The following PPP1R26 variants were observed in gnomAD, a reference collection of about 807,000 sequenced individuals.
The protein encoded by PPP1R26 is protein phosphatase 1 regulatory subunit 26, also known as 1A6/DRIM (down-regulated in metastasis) interacting protein.
PPP1R26 carries 22 observed loss-of-function variants against 67.6 expected under a neutral mutation model. That is an observed-to-expected ratio of 0.33 (90% CI 0.23 to 0.46). The LOEUF (loss-of-function observed/expected upper bound fraction) is 0.46. Ranked by LOEUF, PPP1R26 falls within the 20% of genes least tolerant of loss-of-function variation. PPP1R26 has a pLI of 1.00. For synonymous variants in PPP1R26, 729 were observed against 717.2 expected (o/e 1.02, Z -0.26); for missense variants, 1,602 against 1,651.4 (o/e 0.97, Z 0.52).
intron 1 of PPP1R26, among the ~76,000 whole-genome samples, chr9:135,481,092 G>A (rs1390739130): frequency 2.0e-5 from 3 of 152,192 alleles, no homozygotes; most frequent in East Asian, 1.9e-4. Context: ...CCTAAAATCT[G>A]ACACCGTGTG....
intron 2 of PPP1R26, among the ~76,000 whole-genome samples, chr9:135,483,139 G>A (rs1370992556): frequency 1.3e-5 from 2 of 151,910 alleles, no homozygotes; most frequent in African/African-American, 2.4e-5. Context: ...ACAGGCATGC[G>A]CCACCATGCC....
Position 135,486,653 on chromosome 9 carries a change from A to C in PPP1R26, c.2143A>C (p.Arg715=). 6.2e-7 allele frequency: 1 copy of C among 1,610,380 alleles called. No individual in the cohort carries two copies. The highest frequency in any genetic ancestry group is 1.3e-5 in the African/African-American group (1 of 74,884). The change falls in exon 4 of 4, where the codon AGG becomes CGG. Residue 715 remains arginine (R), a synonymous_variant. Coordinates refer to ENST00000356818, the MANE Select transcript of PPP1R26 (RefSeq NM_014811.5). The surrounding 1 kb of genome is among the most constrained non-coding windows in gnomAD (Gnocchi z 6.2). ...GCTCAAGAAGAGGTGCAGGGAGCCC[A>C]GGGCTGCGTGCAGGAAGAAGGTCAG... ...RKLKKRCREP[R]AACRKKVRFS... is the part of the protein sequence containing the mutation.
Position 135,485,000 on chromosome 9 carries a change from A to C in PPP1R26, c.490A>C (p.Arg164=). The C allele has an allele frequency of 6.3e-7, 1 of 1,585,096 alleles. No individual in the cohort carries two copies. Among genetic ancestry groups the C allele is most frequent in the South Asian group, 1.2e-5 (1 of 86,122 alleles). The change falls in exon 4 of 4, where the codon AGG becomes CGG. Residue 164 remains arginine (R), a synonymous_variant. Transcript: ENST00000356818. ...GAQPGAAQPS[R]AAGGGSRCKP... is the part of the protein sequence containing the mutation. ...CCAGCCAGGTGCAGCCCAGCCTTCC[A>C]GGGCCGCAGGCGGAGGCAGTAGATG...
At position 135,487,584 on chromosome 9, in the gene PPP1R26, C is replaced by A; in HGVS notation, c.3074C>A (p.Pro1025Gln). ...RDAGAQADRT[P>Q]PWSDFAHQSR... is the part of the protein sequence containing the mutation. ...GCTGGAGCCCAGGCCGACCGCACACCGCCCTGGAGCGACTTCGCCCACCAG... is the reference window on the plus strand; with the variant it reads ...GCTGGAGCCCAGGCCGACCGCACACAGCCCTGGAGCGACTTCGCCCACCAG... The change falls in exon 4 of 4, where the codon CCG (proline) becomes CAG (glutamine). Residue 1025 changes from proline (P) to glutamine (Q), a missense_variant. Physicochemically the swap from Pro to Gln is moderately conservative, Grantham distance 76. Around this residue, in one of 5 missense-constraint regions of PPP1R26, gnomAD observed 740 missense variants for 696.3 expected, o/e 1.06. Coordinates refer to ENST00000356818, the MANE Select transcript of PPP1R26 (RefSeq NM_014811.5). 2 of 1,507,210 alleles carry A rather than the reference C, an allele frequency of 1.3e-6. No individual in the cohort carries two copies. Among genetic ancestry groups the A allele is most frequent in the Non-Finnish European group, 8.9e-7 (1 of 1,127,768 alleles). 93.4% of individuals were successfully genotyped at this position (1,507,210 alleles called of 1,614,324 possible).
At chr9:135,483,864 TAGAG>T (rs1171507756) in intron 2 of PPP1R26, 82 bp from the exon 3 acceptor site, 3 of 396,918 alleles carry the variant, frequency 7.6e-6, no homozygotes, top group South Asian at 1.4e-4. Context: ...ACATTTAACA[TAGAG>T]AGGGTTTAGT....
At position 135,487,916 on chromosome 9, in the gene PPP1R26, C is replaced by G. The variant is rs778889304; in HGVS notation, c.3406C>G (p.Leu1136Val). ...PSPVFGSPHL[L>V]AKKDGGPWPT... ...CCCTGTCTTTGGAAGCCCACACTTG[C>G]TGGCAAAGAAGGACGGCGGCCCCTG... Residue 1136 changes from leucine to valine, a missense_variant, in exon 4 of 4, where the codon CTG becomes GTG. Transcript: ENST00000356818. 4 of 1,575,850 alleles carry G rather than the reference C, an allele frequency of 2.5e-6. No individual in the cohort carries two copies. The highest frequency in any genetic ancestry group is 1.2e-5 in the South Asian group (1 of 85,766).
intron 1 of PPP1R26, among the ~76,000 whole-genome samples, chr9:135,481,058 G>A (rs375752447): frequency 2.9e-4 from 44 of 152,230 alleles, no homozygotes; most frequent in East Asian, 2.5e-3. Flanking sequence ...GACCGAGAAG[G>A]TACCCGAGTG....
Position 135,485,499 on chromosome 9 carries a change from C to T in PPP1R26, c.989C>T (p.Ala330Val). The T allele has an allele frequency of 1.2e-6, 2 of 1,613,102 alleles. No homozygotes were observed. Among genetic ancestry groups the T allele is most frequent in the Non-Finnish European group, 1.7e-6 (2 of 1,179,998 alleles). The change falls in exon 4 of 4, where the codon GCA becomes GTA. Residue 330 changes from alanine (A) to valine (V), a missense_variant. Physicochemically the swap from Ala to Val is moderately conservative, Grantham distance 64. Transcript: ENST00000356818. The surrounding 1 kb of genome is among the most constrained non-coding windows in gnomAD (Gnocchi z 7.2). ...GCAACCCCCTGCCGCCCTTCAGAAG[C>T]AGCACAGAATAAAGGTGGGATCAAA... ...KPATPCRPSE[A>V]AQNKGGIKRS...
rs61731944 is a variant in PPP1R26 at position 135,484,651 on chromosome 9, G to T, written c.141G>T (p.Val47=). 29 of 1,611,162 alleles carry T rather than the reference G, an allele frequency of 1.8e-5. No homozygotes were observed. Among genetic ancestry groups the T allele is most frequent in the African/African-American group, 2.7e-5 (2 of 74,920 alleles). ...AGAGCGCGTCGGTGAGCGCCCGGGT[G>T]CAGATGCTTATCAGCACTCTGCAGC... ...GVESASVSAR[V]QMLISTLQRD... is the part of the protein sequence containing the mutation. Residue 47 remains valine (V), a synonymous_variant, in exon 4 of 4, where the codon GTG becomes GTT. Coordinates refer to ENST00000356818, the MANE Select transcript of PPP1R26 (RefSeq NM_014811.5).
rs577614773 is a variant in PPP1R26, at chr9:135,485,105, G to A, written c.595G>A (p.Gly199Ser). 33 of 1,612,648 alleles carry A rather than the reference G, an allele frequency of 2.0e-5. No individual in the cohort carries two copies. The highest frequency in any genetic ancestry group is 1.6e-4 in the African/African-American group (12 of 75,044). ...TGTACCTGGATCAGGTGGTGGCCCC[G>A]GCAGCCAGGTGGGATCCAGCAAGGA... is the stretch of plus-strand genomic sequence containing the variant. ...KLVPGSGGGP[G>S]SQVGSSKDQG... The change falls in exon 4 of 4, where the codon GGC (glycine) becomes AGC (serine). Residue 199 changes from glycine to serine, a missense_variant. Transcript: ENST00000356818. This position sits in a 1 kb window ranked among gnomAD's most constrained non-coding sequence, Gnocchi z 7.2.
Position 135,485,575 on chromosome 9 carries a change from G to C in PPP1R26, c.1065G>C (p.Gln355His). The C allele has an allele frequency of 6.2e-7, 1 of 1,613,194 alleles. No homozygotes were observed. The highest frequency in any genetic ancestry group is 2.2e-5 in the East Asian group (1 of 44,872). The change falls in exon 4 of 4, where the codon CAG becomes CAC. Residue 355 changes from glutamine (Q) to histidine (H), a missense_variant. Coordinates refer to ENST00000356818, the MANE Select transcript of PPP1R26 (RefSeq NM_014811.5). This position sits in a 1 kb window ranked among gnomAD's most constrained non-coding sequence, Gnocchi z 7.2. ...GAAAGCGAGTCATGAGTGCGGCACA[G>C]GCGTCCGAGGCGTCCGACTCCAGCA... ...RRGKRVMSAA[Q>H]ASEASDSSSD...
upstream of PPP1R26, among the ~76,000 whole-genome samples, chr9:135,479,346 G>C (rs900577426): frequency 7.9e-5 from 12 of 151,834 alleles, no homozygotes; most frequent in African/African-American, 2.4e-4. This position sits in a 1 kb window ranked among gnomAD's most constrained non-coding sequence, Gnocchi z 5.9. Context: ...GAACTCGGTT[G>C]GCGCCGGGGC....
chr9:135,485,286 C>T lies in PPP1R26; in HGVS notation c.776C>T (p.Ser259Phe), dbSNP rs775919714. ...AAGAAACCAGACACAAATGAAAATT[C>T]CGCCAAGTCACTCTTGAAATCCCAC... is the stretch of plus-strand genomic sequence containing the variant. ...VEKKPDTNEN[S>F]AKSLLKSHQE... Residue 259 changes from serine to phenylalanine, a missense_variant, in exon 4 of 4, where the codon TCC becomes TTC. By Grantham distance (155) the Ser-to-Phe change is radical. Transcript: ENST00000356818. The surrounding 1 kb of genome is among the most constrained non-coding windows in gnomAD (Gnocchi z 7.2). The T allele has an allele frequency of 5.6e-6, 9 of 1,612,902 alleles. No homozygotes were observed. The South Asian group carries it at 9.9e-5, about 18-fold the overall frequency.
At position 135,487,789 on chromosome 9, in the gene PPP1R26, C is replaced by T. The variant is rs1175286828; in HGVS notation, c.3279C>T (p.Val1093=). ...AGCTCTTCCACTTTGGAAAGGGTGTCTCCTGGGGGGGCAGGCAGGCTGGCC... is the reference window on the plus strand; with the variant it reads ...AGCTCTTCCACTTTGGAAAGGGTGTTTCCTGGGGGGGCAGGCAGGCTGGCC... ...STQLFHFGKG[V]SWGGRQAGLF... Residue 1093 remains valine (V), a synonymous_variant, in exon 4 of 4, where the codon GTC becomes GTT. Transcript: ENST00000356818. The T allele has an allele frequency of 1.3e-6, 2 of 1,564,826 alleles. No individual in the cohort carries two copies. The highest frequency in any genetic ancestry group is 3.9e-5 in the Admixed American group (2 of 51,130).
chr9:135,479,810 CG>C lies in PPP1R26; in HGVS notation c.-538del, dbSNP rs1564201145. On this transcript the variant is annotated 5_prime_UTR_variant, in exon 1 of 4. Coordinates refer to ENST00000356818, the MANE Select transcript of PPP1R26 (RefSeq NM_014811.5). The surrounding 1 kb of genome is among the most constrained non-coding windows in gnomAD (Gnocchi z 5.9). ...CTCCCGCGCTTCCCACGGCGCGGCCCGGGCGCGGGGCGGCGGCAGCGGCGGC... is the reference window on the plus strand; with the variant it reads ...CTCCCGCGCTTCCCACGGCGCGGCCCGGCGCGGGGCGGCGGCAGCGGCGGC... The C allele has an allele frequency of 1.4e-5, 2 of 139,110 alleles. No homozygotes were observed. The highest frequency in any genetic ancestry group is 5.1e-5 in the African/African-American group (2 of 39,400). 8.6% of individuals were successfully genotyped at this position (139,110 alleles called of 1,614,324 possible).
In PPP1R26 at chr9:135,487,133, G is replaced by A. The variant is rs749217492; in HGVS notation, c.2623G>A (p.Glu875Lys). ...ALGTGGPARP[E>K]VLCRKEPAPP... ...TGGGACAGGGGGCCCAGCCAGGCCAGAGGTGCTGTGCAGGAAGGAGCCTGC... is the reference window on the plus strand; with the variant it reads ...TGGGACAGGGGGCCCAGCCAGGCCAAAGGTGCTGTGCAGGAAGGAGCCTGC... The change falls in exon 4 of 4, where the codon GAG becomes AAG. Residue 875 changes from glutamate to lysine, a missense_variant. Coordinates refer to ENST00000356818, the MANE Select transcript of PPP1R26 (RefSeq NM_014811.5). The A allele has an allele frequency of 4.3e-6, 7 of 1,609,632 alleles. No homozygotes were observed. In the South Asian group the frequency reaches 4.4e-5, roughly 10 times the overall value.
At chr9:135,479,290 CG>C (rs999824925), upstream of PPP1R26, among the ~76,000 whole-genome samples, 11 of 151,798 alleles carry the variant, frequency 7.2e-5, no homozygotes, top group Non-Finnish European at 1.3e-4. The surrounding 1 kb of genome is among the most constrained non-coding windows in gnomAD (Gnocchi z 5.9). Flanking sequence ...GCTGGAGGGG[CG>C]GGCGGGCCGG....
Position 135,487,997 on chromosome 9 carries a change from T to C in PPP1R26, c.3487T>C (p.Ser1163Pro). ...TTTGCATGACAGGAGGAGCTCGGGC[T>C]CGGAGGAAAGCATTTTAGACCTGAG... ...LSLHDRRSSGSEESILDLRYR... is the reference protein window; with the variant it reads ...LSLHDRRSSGPEESILDLRYR... The change falls in exon 4 of 4, where the codon TCG (serine) becomes CCG (proline). Residue 1163 changes from serine (S) to proline (P), a missense_variant. Ser to Pro is a moderately conservative substitution (Grantham distance 74, BLOSUM62 -1). Coordinates refer to ENST00000356818, the MANE Select transcript of PPP1R26 (RefSeq NM_014811.5). 6.2e-7 allele frequency: 1 copy of C among 1,611,258 alleles called. No homozygotes were observed. Among genetic ancestry groups the C allele is most frequent in the Non-Finnish European group, 8.5e-7 (1 of 1,178,934 alleles).
At chr9:135,481,456 G>T (rs1195338616) in intron 1 of PPP1R26, among the ~76,000 whole-genome samples, 1 of 151,800 alleles carries the variant, frequency 6.6e-6, no homozygotes, top group East Asian at 1.9e-4. Context: ...GGCCAGGCTG[G>T]TCTCGAACTC....
Sources: gnomAD v4.1 joint callset for allele counts (sites outside exome capture counted in the v4.1 genomes callset) on GRCh38, gnomAD v4.1.1 for gene constraint, gnomAD v4.1.1 regional missense constraint, Gnocchi (gnomAD v3.1) non-coding constraint, MANE v1.5 for transcripts, NCBI Gene and HGNC (gene_info 2026-07-23, HGNC 2026-07-21) for gene names.